The following SMYD2 variants were observed in gnomAD, a reference collection of about 807,000 sequenced individuals.
SMYD2 encodes N-lysine methyltransferase SMYD2.
SMYD2 carries 53 observed loss-of-function variants against 59.1 expected under a neutral mutation model. The ratio of observed to expected loss-of-function variants is 0.90; its 90% CI spans 0.72 to 1.13. SMYD2 has a LOEUF of 1.13. Among genes scored for constraint, SMYD2 ranks in the 50% most tolerant of loss-of-function variants. The pLI is 0.00. For missense variants in SMYD2, 494 were observed against 544.7 expected, an observed-to-expected ratio of 0.91 and a Z score of 0.93; for synonymous variants, 208 against 198.8, an observed-to-expected ratio of 1.05 and a Z score of -0.39.
At chr1:214,304,479 C>T (rs1006162300) in intron 1 of SMYD2, among the ~76,000 whole-genome samples, 12 of 144,704 alleles carry the variant, frequency 8.3e-5, no homozygotes, top group African/African-American at 1.3e-4. Context: ...GAACGGCCTA[C>T]GCCCGGGAAG....
At chr1:214,336,625 T>A in intron 11 of SMYD2, 79 bp from the exon 12 acceptor site, 1 of 1,322,424 alleles carries the variant, frequency 7.6e-7, no homozygotes, top group Non-Finnish European at 1.1e-6. Flanking sequence ...AGCAGAGAGA[T>A]CCAACTTAAA....
chr1:214,283,903 A>G (rs906416088), intron 1 of SMYD2, among the ~76,000 whole-genome samples: 1 of 152,208 alleles, frequency 6.6e-6, no homozygotes, highest in African/African-American at 2.4e-5. Context: ...CTTTTTTTGA[A>G]GAAAAGAAAA....
rs1657006992 is a variant in SMYD2 at position 214,312,129 on chromosome 1, C to T, written c.238-2633C>T. On this transcript the variant is annotated intron_variant, in intron 2 of 11. Transcript: ENST00000366957. The surrounding 1 kb of genome is among the most constrained non-coding windows in gnomAD (Gnocchi z 4.1). ...CTCCCTTGTGCATATCTTGTCATTTCTTTTCCTCCCTGCTCTTAGTTATAT... is the reference window on the plus strand; with the variant it reads ...CTCCCTTGTGCATATCTTGTCATTTTTTTTCCTCCCTGCTCTTAGTTATAT... Among the ~76,000 whole-genome samples the T allele has an allele frequency of 6.6e-6, 1 of 152,198 alleles. No homozygotes were observed. Among genetic ancestry groups the T allele is most frequent in the African/African-American group, 2.4e-5 (1 of 41,444 alleles).
chr1:214,319,363 CTG>C (rs1657134857), intron 5 of SMYD2, among the ~76,000 whole-genome samples: 1 of 152,156 alleles, frequency 6.6e-6, no homozygotes, highest in Non-Finnish European at 1.5e-5. Context: ...TCTGTTCTAT[CTG>C]TAGTGTTTTT....
At chr1:214,319,032 A>C in intron 5 of SMYD2, 49 bp downstream of exon 5, 1 of 1,601,356 alleles carries the variant, frequency 6.2e-7, no homozygotes. Flanking sequence ...TTCCCTCTCC[A>C]AGGCCCTCTC....
chr1:214,299,299 A>G (rs1656782563), intron 1 of SMYD2, among the ~76,000 whole-genome samples: 2 of 152,164 alleles, frequency 1.3e-5, no homozygotes, highest in South Asian at 4.1e-4. Context: ...AAACAGAACT[A>G]CCATTCGACC....
intron 5 of SMYD2, among the ~76,000 whole-genome samples, chr1:214,323,769 G>A (rs1252914101): frequency 2.0e-5 from 3 of 152,080 alleles, no homozygotes; most frequent in African/African-American, 7.2e-5. Context: ...TGAGAAGGTG[G>A]CCTGTAGGTG....
chr1:214,296,724 G>A (rs185019602), intron 1 of SMYD2, among the ~76,000 whole-genome samples: 1 of 151,890 alleles, frequency 6.6e-6, no homozygotes, highest in African/African-American at 2.4e-5. Context: ...GTTCAGAAAG[G>A]ACTAGTAACT....
chr1:214,323,299 C>T (rs1410593222), intron 5 of SMYD2, among the ~76,000 whole-genome samples: 1 of 152,146 alleles, frequency 6.6e-6, no homozygotes, highest in Admixed American at 6.5e-5. Flanking sequence ...TAAGGGCTCC[C>T]AGTACATATC....
At chr1:214,319,307 C>T (rs2102471425) in intron 5 of SMYD2, among the ~76,000 whole-genome samples, 1 of 152,252 alleles carries the variant, frequency 6.6e-6, no homozygotes. Flanking sequence ...AAGAAAAGAC[C>T]ATTTGAAGTT....
chr1:214,282,450 C>A (rs1416180302), intron 1 of SMYD2, among the ~76,000 whole-genome samples: 3 of 152,318 alleles, frequency 2.0e-5, no homozygotes, highest in Admixed American at 6.5e-5. Context: ...ATCAGGCCTT[C>A]CAGTACTCTG....
chr1:214,306,210 C>T (rs1046082059), intron 2 of SMYD2, among the ~76,000 whole-genome samples: 25 of 152,116 alleles, frequency 1.6e-4, no homozygotes, highest in Admixed American at 8.5e-4. Flanking sequence ...TGGTGTTGTC[C>T]TTCCCCCATC....
intron 2 of SMYD2, among the ~76,000 whole-genome samples, chr1:214,305,463 CAGG>C (rs1224568425): frequency 3.3e-5 from 5 of 152,320 alleles, no homozygotes; most frequent in South Asian, 4.1e-4. Context: ...CATCGAGGTG[CAGG>C]AGAAGACCAT....
chr1:214,302,273 A>G (rs919727950), intron 1 of SMYD2, among the ~76,000 whole-genome samples: 28 of 150,914 alleles, frequency 1.9e-4, no homozygotes, highest in Admixed American at 9.3e-4. Flanking sequence ...CAGGAGGTGG[A>G]GGCTGCAGTG....
At chr1:214,321,349 T>C (rs1657169103) in intron 5 of SMYD2, among the ~76,000 whole-genome samples, 1 of 152,234 alleles carries the variant, frequency 6.6e-6, no homozygotes, top group Non-Finnish European at 1.5e-5. Context: ...TGAGATTACA[T>C]GTGAATACAA....
chr1:214,318,029 A>C lies in SMYD2; in HGVS notation c.349-50A>C. 1 of 1,523,806 alleles carries C rather than the reference A, an allele frequency of 6.6e-7. No individual in the cohort carries two copies. Among genetic ancestry groups the C allele is most frequent in the Non-Finnish European group, 9.1e-7 (1 of 1,100,862 alleles). 94.4% of individuals were successfully genotyped at this position (1,523,806 alleles called of 1,614,324 possible). ...AAAAGTGAAAGTGCCACTTTATTAC[A>C]CTGGTTGTTAAAAAATCTGTATCTG... On this transcript the variant is annotated intron_variant, in intron 3 of 11. Transcript: ENST00000366957. This position sits in a 1 kb window ranked among gnomAD's most constrained non-coding sequence, Gnocchi z 5.4.
At chr1:214,288,912 G>C (rs1656592565) in intron 1 of SMYD2, among the ~76,000 whole-genome samples, 1 of 148,420 alleles carries the variant, frequency 6.7e-6, no homozygotes, top group South Asian at 2.2e-4. Flanking sequence ...TCTGTGCCGT[G>C]TGATAGGGCA....
intron 3 of SMYD2, among the ~76,000 whole-genome samples, chr1:214,317,822 A>T (rs1657109632): frequency 6.6e-6 from 1 of 152,174 alleles, no homozygotes; most frequent in East Asian, 1.9e-4. Flanking sequence ...TCTTTCCCGT[A>T]ACAGGTATTT....
chr1:214,298,506 TAA>T (rs1558050186), intron 1 of SMYD2, among the ~76,000 whole-genome samples: 1 of 152,368 alleles, frequency 6.6e-6, no homozygotes, highest in South Asian at 2.1e-4. Context: ...GGACTATGAC[TAA>T]GTCTTCAAAA....
Sources: allele counts gnomAD v4.1 joint callset (sites outside exome capture counted in the v4.1 genomes callset), GRCh38; gene constraint gnomAD v4.1.1; non-coding constraint Gnocchi (gnomAD v3.1); transcripts MANE v1.5; gene names NCBI Gene and HGNC (gene_info 2026-07-23, HGNC 2026-07-21).